Variants in DOT1L observed in about 807,000 individuals in gnomAD.
DOT1L encodes DOT1 like histone lysine methyltransferase.
Under a neutral mutation model 153.3 loss-of-function variants are expected in DOT1L, and 33 were observed. The observed-to-expected ratio is 0.22, with a 90% CI of 0.16 to 0.29. The LOEUF (loss-of-function observed/expected upper bound fraction) is 0.29, where lower values mean the gene tolerates loss of function less well. Ranked by LOEUF, DOT1L falls within the 10% of genes least tolerant of loss-of-function variation. DOT1L has a pLI of 1.00. For synonymous variants in DOT1L, 1,135 were observed against 965.1 expected, an observed-to-expected ratio of 1.18 and a Z score of -3.26; for missense variants, 1,847 against 2,119.9, an observed-to-expected ratio of 0.87 and a Z score of 2.53.
intron 2 of DOT1L, 141 bp downstream of exon 2, chr19:2,180,897 T>G: frequency 1.0e-6 from 1 of 983,230 alleles, no homozygotes. Context: ...CAGGGGTGAC[T>G]CAGGGACGGG....
At chr19:2,169,250 C>T (rs1413708680) in intron 1 of DOT1L, among the ~76,000 whole-genome samples, 3 of 152,088 alleles carry the variant, frequency 2.0e-5, no homozygotes, top group Non-Finnish European at 4.4e-5. Context: ...CTGCTGCTGA[C>T]CTCTGAGCTT....
intron 8 of DOT1L, among the ~76,000 whole-genome samples, chr19:2,202,277 C>T (rs1022146334): frequency 6.6e-6 from 1 of 152,230 alleles, no homozygotes; most frequent in Non-Finnish European, 1.5e-5. Flanking sequence ...TCTGCGGTCT[C>T]TGCAGCAGTT....
chr19:2,183,907 G>A (rs1395905620), intron 2 of DOT1L, among the ~76,000 whole-genome samples: 5 of 150,182 alleles, frequency 3.3e-5, no homozygotes, highest in Non-Finnish European at 7.4e-5. Flanking sequence ...TTATAGGCAT[G>A]AGCCACCACG....
At position 2,197,357 on chromosome 19, in the gene DOT1L, C is replaced by T. The variant is rs1405495255; in HGVS notation, c.652-2527C>T. The stretch of plus-strand genomic sequence containing the variant: ...GTTCCTGGCTGTGGCAGGCGAGCCA[C>T]ACAGATCCCAGCACAGAGGATGGAA... On this transcript the variant is annotated intron_variant, in intron 7 of 27. Coordinates refer to ENST00000398665, the MANE Select transcript of DOT1L (RefSeq NM_032482.3). This position sits in a 1 kb window ranked among gnomAD's most constrained non-coding sequence, Gnocchi z 4.1. 6.6e-6 allele frequency among the ~76,000 whole-genome samples: 1 copy of T among 152,244 alleles called. No homozygotes were observed. Among genetic ancestry groups the T allele is most frequent in the Admixed American group, 6.5e-5 (1 of 15,288 alleles).
chr19:2,190,926 C>A lies in DOT1L; in HGVS notation c.265-86C>A. The A allele has an allele frequency of 7.7e-7, 1 of 1,306,510 alleles. No individual in the cohort carries two copies. The highest frequency in any genetic ancestry group is 1.0e-6 in the Non-Finnish European group (1 of 952,716). 80.9% of individuals were successfully genotyped at this position (1,306,510 alleles called of 1,614,324 possible). On this transcript the variant is annotated intron_variant, in intron 4 of 27. Coordinates refer to ENST00000398665, the MANE Select transcript of DOT1L (RefSeq NM_032482.3). The surrounding 1 kb of genome is among the most constrained non-coding windows in gnomAD (Gnocchi z 4.8). ...AGGCCATGCAGCCGACTCCCTGCTT[C>A]CGCTGGGAAAGGTCCCGGGTCTTGG...
At chr19:2,200,672 C>T (rs1215883467) in intron 8 of DOT1L, among the ~76,000 whole-genome samples, 1 of 152,100 alleles carries the variant, frequency 6.6e-6, no homozygotes, top group East Asian at 1.9e-4. Context: ...ATCCTCCCAG[C>T]ACTCTTTGTC....
intron 5 of DOT1L, among the ~76,000 whole-genome samples, chr19:2,192,452 C>A (rs1035024870): frequency 1.2e-4 from 19 of 152,032 alleles, no homozygotes; most frequent in African/African-American, 4.6e-4. Flanking sequence ...CGGATCTGAG[C>A]TCCTGAGGTC....
intron 9 of DOT1L, 136 bp downstream of exon 9, chr19:2,202,915 C>T: frequency 1.3e-6 from 1 of 766,466 alleles, no homozygotes; most frequent in Non-Finnish European, 2.2e-6. Context: ...GGTGGTCTTC[C>T]TTTATGCTTT....
In DOT1L at chr19:2,231,238, C is replaced by T. The variant is rs1406050480; in HGVS notation, c.*1446C>T. 4.4e-6 allele frequency: 1 copy of T among 227,740 alleles called. No homozygotes were observed. Among genetic ancestry groups the T allele is most frequent in the Non-Finnish European group, 8.7e-6 (1 of 114,650 alleles). 14.1% of individuals were successfully genotyped at this position (227,740 alleles called of 1,614,324 possible). A position where few individuals can be genotyped will look rare whatever the true frequency, so the allele number is the denominator to read the frequency against. ...GGCTGTGTGGCACTTGCTGAGCCCACCTTCTCAAGTGCTTGCTCCTGTGAG... is the reference window on the plus strand; with the variant it reads ...GGCTGTGTGGCACTTGCTGAGCCCATCTTCTCAAGTGCTTGCTCCTGTGAG... On this transcript the variant is annotated 3_prime_UTR_variant, in exon 28 of 28. Coordinates refer to ENST00000398665, the MANE Select transcript of DOT1L (RefSeq NM_032482.3).
rs8108953 is a variant in DOT1L at position 2,187,730 on chromosome 19, C to G, written c.200+1801C>G. Among the ~76,000 whole-genome samples, 809 of 152,064 alleles carry G rather than the reference C, an allele frequency of 5.3e-3. 5 individuals are homozygous for G. The highest frequency in any genetic ancestry group is 0.015 in the African/African-American group (634 of 41,494). ...GAGGTCAGGAGATCGAGACCATCCT[C>G]GCTAGCACAGTGAAACCCCGTCTCT... is the stretch of plus-strand genomic sequence containing the variant. On this transcript the variant is annotated intron_variant, in intron 3 of 27. Coordinates refer to ENST00000398665, the MANE Select transcript of DOT1L (RefSeq NM_032482.3).
chr19:2,227,833 G>A (rs1308890670), intron 27 of DOT1L: 19 of 1,292,902 alleles, frequency 1.5e-5, no homozygotes, highest in Non-Finnish European at 1.8e-5. Context: ...CTGGGCCCGA[G>A]CCCGCTGCAG....
intron 18 of DOT1L, 41 bp downstream of exon 18, chr19:2,214,027 G>A (rs1383521956): frequency 1.3e-6 from 2 of 1,597,776 alleles, no homozygotes; most frequent in Admixed American, 1.7e-5. Context: ...GGAACCAGAG[G>A]GGCCCTGCCT....
At chr19:2,218,920 G>A (rs2024012633) in intron 22 of DOT1L, among the ~76,000 whole-genome samples, 1 of 152,090 alleles carries the variant, frequency 6.6e-6, no homozygotes, top group Non-Finnish European at 1.5e-5. Context: ...CTGGAGGGCA[G>A]TGGCACGATC....
chr19:2,227,434 C>G (rs1032810674), intron 27 of DOT1L: 13 of 614,722 alleles, frequency 2.1e-5, no homozygotes, highest in Admixed American at 4.3e-5. Context: ...TGTGGCCGCC[C>G]GGGCTCTGGC....
At chr19:2,169,405 C>T (rs879408075) in intron 1 of DOT1L, among the ~76,000 whole-genome samples, 1 of 152,174 alleles carries the variant, frequency 6.6e-6, no homozygotes, top group East Asian at 1.9e-4. Context: ...CTGCTTTGTT[C>T]CTGCTGGCCT....
At position 2,203,780 on chromosome 19, in the gene DOT1L, GT is replaced by G. The variant is rs1399584589; in HGVS notation, c.787+1004del. 3.3e-5 allele frequency among the ~76,000 whole-genome samples: 5 copies of G among 152,368 alleles called. No individual in the cohort carries two copies. The East Asian group carries it at 9.6e-4, about 29-fold the overall frequency. On this transcript the variant is annotated intron_variant, in intron 9 of 27. Coordinates refer to ENST00000398665, the MANE Select transcript of DOT1L (RefSeq NM_032482.3). ...AGCCCTCCAGCAGGACATAGGGCAGGTTTGGGGTCTTCCTTGAGGGGATTGT... is the reference window on the plus strand; with the variant it reads ...AGCCCTCCAGCAGGACATAGGGCAGGTTGGGGTCTTCCTTGAGGGGATTGT...
intron 12 of DOT1L, 78 bp from the exon 13 acceptor site, chr19:2,210,322 A>C: frequency 7.7e-7 from 1 of 1,294,870 alleles, no homozygotes; most frequent in Non-Finnish European, 1.0e-6. Context: ...CTTGAGTCTG[A>C]GCTCCGCGTG....
intron 8 of DOT1L, among the ~76,000 whole-genome samples, chr19:2,201,049 G>A (rs1179983038): frequency 3.2e-5 from 3 of 94,510 alleles, no homozygotes; most frequent in Admixed American, 1.1e-4. Flanking sequence ...CGTCCTCCCC[G>A]CATTCCTCGT....
chr19:2,173,671 G>A (rs932213194), intron 1 of DOT1L, among the ~76,000 whole-genome samples: 1 of 152,228 alleles, frequency 6.6e-6, no homozygotes, highest in Non-Finnish European at 1.5e-5. Flanking sequence ...GCGGGCACGG[G>A]TTCTGCGGGC....
Sources: allele counts gnomAD v4.1 joint callset (sites outside exome capture counted in the v4.1 genomes callset), GRCh38; gene constraint gnomAD v4.1.1; non-coding constraint Gnocchi (gnomAD v3.1); transcripts MANE v1.5; gene names NCBI Gene and HGNC (gene_info 2026-07-23, HGNC 2026-07-21).